Variants in GRID1 observed in about 807,000 individuals in gnomAD.
The protein encoded by GRID1 is glutamate receptor ionotropic, delta-1.
A neutral mutation model predicts 98.0 loss-of-function variants in GRID1; 28 were observed. That is an observed-to-expected ratio of 0.29 (90% confidence interval 0.21 to 0.39). The LOEUF (loss-of-function observed/expected upper bound fraction) is 0.39, where lower values mean the gene tolerates loss of function less well. Ranked by LOEUF, GRID1 falls within the 10% of genes least tolerant of loss-of-function variation. GRID1 has a pLI of 1.00. For missense variants in GRID1, 1,111 were observed against 1,340.5 expected, an observed-to-expected ratio of 0.83 and a Z score of 2.67; for synonymous variants, 553 against 538.5, an observed-to-expected ratio of 1.03 and a Z score of -0.37.
intron 13 of GRID1, among the ~76,000 whole-genome samples, chr10:85,627,690 C>T (rs1192953694): frequency 2.0e-5 from 3 of 152,124 alleles, no homozygotes. Flanking sequence ...AAGCAGGGTG[C>T]CCATTGTCAC....
intron 3 of GRID1, among the ~76,000 whole-genome samples, chr10:86,152,853 C>G (rs1284169839): frequency 6.6e-6 from 1 of 152,232 alleles, no homozygotes; most frequent in Non-Finnish European, 1.5e-5. Context: ...CCAGCCCTGA[C>G]AGGGAGGCTT....
chr10:86,065,807 A>G (rs1843712174), intron 4 of GRID1, among the ~76,000 whole-genome samples: 1 of 152,256 alleles, frequency 6.6e-6, no homozygotes, highest in Non-Finnish European at 1.5e-5. Context: ...GTGATATTTC[A>G]GCAGAAGATG....
In GRID1 at chr10:85,701,466, CTT is replaced by C. The variant is rs1191059740; in HGVS notation, c.1997+21535_1997+21536del. 1.3e-4 allele frequency among the ~76,000 whole-genome samples: 20 copies of C among 152,166 alleles called. No homozygotes were observed. In the South Asian group the frequency reaches 4.1e-3, roughly 32 times the overall value. On this transcript the variant is annotated intron_variant, in intron 12 of 15. Transcript: ENST00000327946. ...TCAATCCGAATGCTAGAAAATGAAA[CTT>C]TGTCACTGGGGCAAAAAACTCAAAA...
At chr10:86,211,912 C>A (rs1304367838) in intron 2 of GRID1, among the ~76,000 whole-genome samples, 9 of 152,170 alleles carry the variant, frequency 5.9e-5, no homozygotes, top group Non-Finnish European at 1.3e-4. Flanking sequence ...AGGGCACCTC[C>A]CGGCTCAGTG....
chr10:86,189,835 C>G, intron 3 of GRID1, among the ~76,000 whole-genome samples: 1 of 152,162 alleles, frequency 6.6e-6, no homozygotes. Context: ...GGAGGAGGCT[C>G]TTGTGCCCAC....
intron 4 of GRID1, among the ~76,000 whole-genome samples, chr10:86,125,524 A>G (rs1175870707): frequency 1.3e-5 from 2 of 152,244 alleles, no homozygotes; most frequent in Non-Finnish European, 2.9e-5. Context: ...CATTTAGAGT[A>G]GAATTTGAGC....
Position 86,349,593 on chromosome 10 carries a change from T to C in GRID1, c.235+14348A>G, listed in dbSNP as rs189859705. On this transcript the variant is annotated intron_variant, in intron 2 of 15. Transcript: ENST00000327946. ...AGTGCCATCAGCTCTCATCTTTTCT[T>C]GCCAGAAAGATCTTCAGTGCAGAAG... 3.1e-3 allele frequency among the ~76,000 whole-genome samples: 469 copies of C among 152,312 alleles called. 2 individuals carry two copies. The highest frequency in any genetic ancestry group is 0.025 in the Admixed American group (390 of 15,296).
chr10:86,143,948 T>C (rs1845047470), intron 3 of GRID1, among the ~76,000 whole-genome samples: 1 of 152,062 alleles, frequency 6.6e-6, no homozygotes, highest in Non-Finnish European at 1.5e-5. Context: ...CTCTTTGGGC[T>C]CTCAGGGGCC....
At chr10:85,613,677 C>T (rs1330788572) in intron 14 of GRID1, 30 bp from the exon 15 acceptor site, 8 of 1,595,242 alleles carry the variant, frequency 5.0e-6, no homozygotes, top group Non-Finnish European at 6.9e-6. Flanking sequence ...TGAGCTATAG[C>T]CACTGACGTC....
At chr10:86,346,922 C>T (rs1848392260) in intron 2 of GRID1, among the ~76,000 whole-genome samples, 1 of 152,168 alleles carries the variant, frequency 6.6e-6, no homozygotes, top group Admixed American at 6.5e-5. Context: ...AAACCAGGTA[C>T]AAGAGCATAC....
intron 4 of GRID1, among the ~76,000 whole-genome samples, chr10:86,136,673 A>T (rs1379258420): frequency 6.6e-6 from 1 of 152,236 alleles, no homozygotes; most frequent in Non-Finnish European, 1.5e-5. Context: ...AACAGGGATC[A>T]AGACTCTTAT....
intron 8 of GRID1, among the ~76,000 whole-genome samples, chr10:85,752,836 G>GT (rs1293489937): frequency 2.6e-5 from 4 of 152,124 alleles, no homozygotes; most frequent in African/African-American, 7.2e-5. Context: ...TAACTTTTAA[G>GT]TTTTTTTCAA....
At position 85,806,729 on chromosome 10, in the gene GRID1, A is replaced by G. The variant is rs371920224; in HGVS notation, c.1233+47767T>C. 1.5e-3 allele frequency among the ~76,000 whole-genome samples: 221 copies of G among 152,298 alleles called. 1 individual carries two copies. Among genetic ancestry groups the G allele is most frequent in the African/African-American group, 5.3e-3 (219 of 41,574 alleles). The stretch of plus-strand genomic sequence containing the variant: ...ACTGTGTACTTTATTTGTATGTTCT[A>G]GAATAGATAATATTTATAGTGACAG... On this transcript the variant is annotated intron_variant, in intron 8 of 15. Coordinates refer to ENST00000327946, the MANE Select transcript of GRID1 (RefSeq NM_017551.3).
At chr10:86,215,041 CCAACACT>C (rs1846155159) in intron 2 of GRID1, among the ~76,000 whole-genome samples, 1 of 152,184 alleles carries the variant, frequency 6.6e-6, no homozygotes, top group East Asian at 1.9e-4. Context: ...TTCCTTAAAG[CCAACACT>C]CCTTCTAAGG....
chr10:85,616,619 C>G (rs143539873), intron 14 of GRID1, among the ~76,000 whole-genome samples: 1 of 152,134 alleles, frequency 6.6e-6, no homozygotes, highest in African/African-American at 2.4e-5. Flanking sequence ...TATACGAAAG[C>G]ATAACATAAA....
intron 2 of GRID1, among the ~76,000 whole-genome samples, chr10:86,219,618 G>A (rs1053967389): frequency 6.6e-5 from 10 of 152,210 alleles, no homozygotes; most frequent in African/African-American, 2.2e-4. Flanking sequence ...CCCAGAGTGA[G>A]GGCAGGAGGG....
At chr10:86,055,785 C>T (rs1415523250) in intron 4 of GRID1, among the ~76,000 whole-genome samples, 5 of 145,960 alleles carry the variant, frequency 3.4e-5, no homozygotes, top group East Asian at 2.1e-4. Flanking sequence ...GGAGAAGAAA[C>T]GCCAGAACCA....
At chr10:85,615,627 T>C (rs1171417026) in intron 14 of GRID1, among the ~76,000 whole-genome samples, 1 of 152,276 alleles carries the variant, frequency 6.6e-6, no homozygotes, top group Non-Finnish European at 1.5e-5. Context: ...TGCATTTATA[T>C]GGTTTGGGGT....
At chr10:85,819,743 G>A (rs1380500938) in intron 8 of GRID1, among the ~76,000 whole-genome samples, 4 of 151,982 alleles carry the variant, frequency 2.6e-5, no homozygotes, top group Non-Finnish European at 4.4e-5. Flanking sequence ...GTGAAACCCT[G>A]TCTCTACTAA....
Sources: allele counts gnomAD v4.1 joint callset (sites outside exome capture counted in the v4.1 genomes callset), GRCh38; gene constraint gnomAD v4.1.1; transcripts MANE v1.5; gene names NCBI Gene and HGNC (gene_info 2026-07-23, HGNC 2026-07-21).